The following BAG3 variants were observed in gnomAD, a reference collection of about 807,000 sequenced individuals.
The protein encoded by BAG3 is BAG family molecular chaperone regulator 3.
BAG3 carries 14 observed loss-of-function variants against 40.5 expected under a neutral mutation model. The observed-to-expected ratio is 0.35, with a 90% confidence interval of 0.23 to 0.54. The LOEUF is 0.54. BAG3 is among the 20% of genes least tolerant of loss of function. BAG3 has a pLI of 0.91. For synonymous variants in BAG3, 302 were observed against 307.8 expected, an observed-to-expected ratio of 0.98 and a Z score of 0.20; for missense variants, 788 against 758.6, an observed-to-expected ratio of 1.04 and a Z score of -0.46.
At chr10:119,655,994 T>C (rs1246157500) in intron 1 of BAG3, among the ~76,000 whole-genome samples, 1 of 152,138 alleles carries the variant, frequency 6.6e-6, no homozygotes, top group African/African-American at 2.4e-5. Context: ...TGCTTAGTGC[T>C]GTCCTCGTTT....
At chr10:119,667,103 A>C (rs947087670) in intron 1 of BAG3, among the ~76,000 whole-genome samples, 4 of 152,068 alleles carry the variant, frequency 2.6e-5, no homozygotes, top group African/African-American at 9.7e-5. Context: ...CAGCCTCCTG[A>C]ATAGCAGGGA....
At chr10:119,676,011 G>C (rs1847229857) in intron 3 of BAG3, among the ~76,000 whole-genome samples, 1 of 129,342 alleles carries the variant, frequency 7.7e-6, no homozygotes, top group African/African-American at 3.0e-5. Context: ...CTACAGCCTT[G>C]AATTCCTGGG....
chr10:119,662,473 A>G (rs1458225649), intron 1 of BAG3, among the ~76,000 whole-genome samples: 1 of 152,104 alleles, frequency 6.6e-6, no homozygotes, highest in African/African-American at 2.4e-5. Flanking sequence ...GGGGAGTTCC[A>G]GGATTTCTGT....
chr10:119,665,300 C>A (rs1847049476), intron 1 of BAG3, among the ~76,000 whole-genome samples: 1 of 145,378 alleles, frequency 6.9e-6, no homozygotes, highest in Non-Finnish European at 1.6e-5. Context: ...CCATGCCCAG[C>A]TAATTTTTTT....
At position 119,672,582 on chromosome 10, in the gene BAG3, T is replaced by C; in HGVS notation, c.835T>C (p.Ser279Pro). The C allele has an allele frequency of 6.2e-7, 1 of 1,613,982 alleles. No homozygotes were observed. The highest frequency in any genetic ancestry group is 1.7e-4 in the Middle Eastern group (1 of 6,060). The change falls in exon 3 of 4, where the codon TCA (serine) becomes CCA (proline). Residue 279 changes from serine to proline, a missense_variant. Transcript: ENST00000369085. This position sits in a 1 kb window ranked among gnomAD's most constrained non-coding sequence, Gnocchi z 4.8. ...CCAGGGTGCATCGAGCCGGGAGGGCTCACCAGCCAGGAGCAGCACGCCACT... is the reference window on the plus strand; with the variant it reads ...CCAGGGTGCATCGAGCCGGGAGGGCCCACCAGCCAGGAGCAGCACGCCACT... ...SVQGASSREG[S>P]PARSSTPLHS...
chr10:119,665,093 TGTG>T (rs1387402307), intron 1 of BAG3, among the ~76,000 whole-genome samples: 39 of 15,184 alleles, frequency 2.6e-3, no homozygotes, highest in African/African-American at 5.1e-3. Context: ...AATTTTTGTT[TGTG>T]TGTGTGTGTG....
At position 119,658,107 on chromosome 10, in the gene BAG3, A is replaced by G. The variant is rs553503684; in HGVS notation, c.180+6252A>G. 4.7e-4 allele frequency among the ~76,000 whole-genome samples: 71 copies of G among 152,380 alleles called. No homozygotes were observed. The South Asian group carries it at 0.012, about 25-fold the overall frequency. ...GAACAAACGTTTGCTGTTTTAAAGT[A>G]TCTTCCTCAGTGTTTATTAAAGTAG... On this transcript the variant is annotated intron_variant, in intron 1 of 3. Transcript: ENST00000369085.
chr10:119,660,248 C>T (rs1230191622), intron 1 of BAG3, among the ~76,000 whole-genome samples: 3 of 152,222 alleles, frequency 2.0e-5, no homozygotes, highest in Admixed American at 6.5e-5. Context: ...TCTCTCTAGG[C>T]CTCAGGGAGA....
chr10:119,655,892 C>T (rs1017029529), intron 1 of BAG3, among the ~76,000 whole-genome samples: 2 of 151,976 alleles, frequency 1.3e-5, no homozygotes, highest in African/African-American at 4.8e-5. Context: ...CCTGCGGCAG[C>T]GTTTGACGTT....
intron 3 of BAG3, among the ~76,000 whole-genome samples, chr10:119,675,628 A>C (rs950158314): frequency 1.3e-5 from 2 of 152,148 alleles, no homozygotes; most frequent in Non-Finnish European, 1.5e-5. Flanking sequence ...GCACAGTGTA[A>C]GGAAGAAGGA....
chr10:119,674,521 A>G (rs1344304895), intron 3 of BAG3, among the ~76,000 whole-genome samples: 1 of 152,226 alleles, frequency 6.6e-6, no homozygotes, highest in Non-Finnish European at 1.5e-5. Flanking sequence ...GAGGCTTTCC[A>G]GGATTTCACC....
intron 2 of BAG3, among the ~76,000 whole-genome samples, chr10:119,670,463 T>C (rs936108201): frequency 6.6e-6 from 1 of 152,226 alleles, no homozygotes; most frequent in Admixed American, 6.5e-5. Flanking sequence ...GCCTGCCTGC[T>C]CCAGATGCAC....
rs1240026628 is a variant in BAG3, at chr10:119,651,844, G to A, written c.169G>A (p.Glu57Lys). The change falls in exon 1 of 4, where the codon GAG becomes AAG. Residue 57 changes from glutamate to lysine, a missense_variant. Transcript: ENST00000369085. ...TTWNDPRVPS[E>K]GPKETPSSAN... ...GTGGAACGACCCGCGCGTGCCCTCTGAGGGCCCCAAGGTGAGCCGGGCCCG... is the reference window on the plus strand; with the variant it reads ...GTGGAACGACCCGCGCGTGCCCTCTAAGGGCCCCAAGGTGAGCCGGGCCCG... 1 of 1,582,318 alleles carries A rather than the reference G, an allele frequency of 6.3e-7. No homozygotes were observed. The highest frequency in any genetic ancestry group is 8.6e-7 in the Non-Finnish European group (1 of 1,165,578).
At position 119,661,476 on chromosome 10, in the gene BAG3, C is replaced by G. The variant is rs149793416; in HGVS notation, c.181-8375C>G. Among the ~76,000 whole-genome samples the G allele has an allele frequency of 3.1e-3, 478 of 152,210 alleles. 6 individuals carry two copies. Among genetic ancestry groups the G allele is most frequent in the African/African-American group, 0.011 (452 of 41,528 alleles). On this transcript the variant is annotated intron_variant, in intron 1 of 3. Transcript: ENST00000369085. ...GTGAGCATCAAGGAGGGACTGGAAC[C>G]CAGGGTGGCACCTTGAAGACCCGGG...
chr10:119,670,719 C>T (rs1293631548), intron 2 of BAG3, among the ~76,000 whole-genome samples: 3 of 152,222 alleles, frequency 2.0e-5, no homozygotes, highest in Non-Finnish European at 4.4e-5. Flanking sequence ...GTCAGGAAGG[C>T]AGCTGCTTTA....
At chr10:119,654,364 G>A (rs1846882730) in intron 1 of BAG3, among the ~76,000 whole-genome samples, 1 of 152,150 alleles carries the variant, frequency 6.6e-6, no homozygotes, top group South Asian at 2.1e-4. Flanking sequence ...CTCAAGAGAC[G>A]ACCTCTCTTT....
chr10:119,677,307 C>G lies in BAG3; in HGVS notation c.*25C>G, dbSNP rs374883210. The G allele has an allele frequency of 6.2e-7, 1 of 1,612,652 alleles. No individual in the cohort carries two copies. ...GCCTCTGCCCTGTAAAAATCAGACT[C>G]GGAACCGATGTGTGCTTTAGGGAAT... On this transcript the variant is annotated 3_prime_UTR_variant, in exon 4 of 4. Coordinates refer to ENST00000369085, the MANE Select transcript of BAG3 (RefSeq NM_004281.4).
intron 2 of BAG3, among the ~76,000 whole-genome samples, chr10:119,670,596 G>A (rs897458781): frequency 2.0e-5 from 3 of 152,184 alleles, no homozygotes; most frequent in African/African-American, 7.2e-5. Context: ...GCATTATTTT[G>A]TTCAGTTCAA....
intron 1 of BAG3, among the ~76,000 whole-genome samples, chr10:119,664,107 C>G (rs1295342314): frequency 6.6e-6 from 1 of 152,192 alleles, no homozygotes; most frequent in Non-Finnish European, 1.5e-5. Flanking sequence ...TCCTGCTGTT[C>G]CCTCAGCGCC....
Sources: allele counts gnomAD v4.1 joint callset (sites outside exome capture counted in the v4.1 genomes callset), GRCh38; gene constraint gnomAD v4.1.1; non-coding constraint Gnocchi (gnomAD v3.1); transcripts MANE v1.5; gene names NCBI Gene and HGNC (gene_info 2026-07-23, HGNC 2026-07-21).